Variants in SYN3 observed in about 807,000 individuals in gnomAD.
The protein encoded by SYN3 is synapsin III.
SYN3 carries 35 observed loss-of-function variants against 65.8 expected under a neutral mutation model. The ratio of observed to expected loss-of-function variants is 0.53; its 90% CI spans 0.41 to 0.70. The LOEUF is 0.70. Ranked by LOEUF, SYN3 falls within the 30% of genes least tolerant of loss-of-function variation. SYN3 has a pLI of 0.00. For synonymous variants in SYN3, 270 were observed against 292.9 expected (o/e 0.92, Z 0.80); for missense variants, 680 against 749.0 (o/e 0.91, Z 1.08).
intron 6 of SYN3, among the ~76,000 whole-genome samples, chr22:32,788,377 TA>T (rs1019248233): frequency 2.0e-5 from 3 of 151,866 alleles, no homozygotes; most frequent in African/African-American, 7.3e-5. Flanking sequence ...CCATCTCTAC[TA>T]AAAATACAAA....
chr22:32,889,603 A>G (rs1261313880), intron 4 of SYN3, among the ~76,000 whole-genome samples: 2 of 152,218 alleles, frequency 1.3e-5, no homozygotes, highest in African/African-American at 4.8e-5. Context: ...TTCAGTATGT[A>G]AACAAATCAA....
At chr22:32,521,591 C>T (rs1345277675) in intron 12 of SYN3, among the ~76,000 whole-genome samples, 1 of 151,860 alleles carries the variant, frequency 6.6e-6, no homozygotes, top group Non-Finnish European at 1.5e-5. Flanking sequence ...GGATTACAGG[C>T]GTCCGCCACC....
At chr22:32,974,071 G>A (rs2052105539) in intron 3 of SYN3, among the ~76,000 whole-genome samples, 1 of 152,236 alleles carries the variant, frequency 6.6e-6, no homozygotes, top group Non-Finnish European at 1.5e-5. Flanking sequence ...TTACAGGCAT[G>A]AGCCACTGCA....
rs2048483135 is a variant in SYN3, at chr22:32,859,725, T to C, written c.711+5190A>G. 3 of 288,744 alleles carry C rather than the reference T, an allele frequency of 1.0e-5. No homozygotes were observed. In the South Asian group the frequency reaches 1.3e-4, roughly 12 times the overall value. 17.9% of individuals were successfully genotyped at this position (288,744 alleles called of 1,614,324 possible). Reference sequence around the variant, plus strand: ...AAACTACTCCATTTGAGGATTGTAATTCCCACCCCTCTTGCTTCTTCCCCA... The same window carrying C: ...AAACTACTCCATTTGAGGATTGTAACTCCCACCCCTCTTGCTTCTTCCCCA... On this transcript the variant is annotated intron_variant, in intron 6 of 13. Coordinates refer to ENST00000358763, the MANE Select transcript of SYN3 (RefSeq NM_003490.4).
chr22:32,877,374 C>T lies in SYN3; in HGVS notation c.462-8249G>A, dbSNP rs1045371336. The stretch of plus-strand genomic sequence containing the variant: ...GCAGCTAAGGAACTCACCAAGGTCA[C>T]GCAGCTATTGGTGATGGAACCATGA... On this transcript the variant is annotated intron_variant, in intron 4 of 13. Coordinates refer to ENST00000358763, the MANE Select transcript of SYN3 (RefSeq NM_003490.4). Among the ~76,000 whole-genome samples, 7 of 152,306 alleles carry T rather than the reference C, an allele frequency of 4.6e-5. 1 individual carries two copies. The highest frequency in any genetic ancestry group is 4.8e-5 in the African/African-American group (2 of 41,564).
chr22:32,586,951 C>T (rs1222574179), intron 7 of SYN3, among the ~76,000 whole-genome samples: 2 of 152,006 alleles, frequency 1.3e-5, no homozygotes, highest in Admixed American at 1.3e-4. Flanking sequence ...ACGCCGGGAG[C>T]GGTGGCTCAC....
chr22:33,052,467 G>C (rs1432812770), intron 1 of SYN3, among the ~76,000 whole-genome samples: 1 of 152,074 alleles, frequency 6.6e-6, no homozygotes, highest in Non-Finnish European at 1.5e-5. Context: ...TGCTCTGTTT[G>C]GGAGGAGGAA....
chr22:32,867,689 T>C (rs1488743314), intron 5 of SYN3, among the ~76,000 whole-genome samples: 4 of 152,098 alleles, frequency 2.6e-5, no homozygotes. Context: ...TTCAAGCAAT[T>C]CTCCTGCCTC....
chr22:32,777,514 C>T (rs1484077828), intron 6 of SYN3, among the ~76,000 whole-genome samples: 2 of 152,068 alleles, frequency 1.3e-5, no homozygotes, highest in African/African-American at 4.8e-5. Context: ...GCCCCAGATG[C>T]CAAGTCTATC....
At chr22:32,959,146 T>C (rs1260322217) in intron 3 of SYN3, among the ~76,000 whole-genome samples, 2 of 152,144 alleles carry the variant, frequency 1.3e-5, no homozygotes, top group African/African-American at 2.4e-5. Context: ...ATGGGGTTAG[T>C]TCCCCCATAC....
chr22:32,799,133 T>G (rs1328787966), intron 6 of SYN3, among the ~76,000 whole-genome samples: 4 of 152,174 alleles, frequency 2.6e-5, no homozygotes, highest in Non-Finnish European at 4.4e-5. Flanking sequence ...GGGGTGACCC[T>G]AGCAGGAGGA....
rs540446674 is a variant in SYN3, at chr22:33,022,801, T to C, written c.-162-15977A>G. On this transcript the variant is annotated intron_variant, in intron 1 of 13. Transcript: ENST00000358763. ...ACTGAAATATATTCAAATACAGAAA[T>C]GCCAAAACAAGGTCCCAAAAAATTT... Among the ~76,000 whole-genome samples the C allele has an allele frequency of 5.9e-5, 9 of 152,280 alleles. No homozygotes were observed. In the East Asian group the frequency reaches 1.5e-3, roughly 26 times the overall value.
intron 1 of SYN3, among the ~76,000 whole-genome samples, chr22:33,020,272 T>C (rs565594525): frequency 6.6e-6 from 1 of 152,358 alleles, no homozygotes; most frequent in South Asian, 2.1e-4. Flanking sequence ...GGTTTATTTC[T>C]GGATCCTGTA....
intron 6 of SYN3, among the ~76,000 whole-genome samples, chr22:32,605,007 GA>G (rs543726592): frequency 3.6e-3 from 326 of 91,134 alleles, no homozygotes; most frequent in African/African-American, 0.011. Context: ...CTCCATCTCA[GA>G]AAAAAAAAAA....
chr22:32,744,179 A>G (rs946716237), intron 6 of SYN3, among the ~76,000 whole-genome samples: 2 of 151,722 alleles, frequency 1.3e-5, no homozygotes, highest in African/African-American at 4.8e-5. Context: ...AGAACAAACA[A>G]CTCTATGAAC....
chr22:32,708,762 C>T (rs898024167), intron 6 of SYN3, among the ~76,000 whole-genome samples: 1 of 152,252 alleles, frequency 6.6e-6, no homozygotes, highest in African/African-American at 2.4e-5. Context: ...CTCGACACAG[C>T]CAGAGAGCAC....
intron 10 of SYN3, chr22:32,529,921 C>T (rs1345366348): frequency 6.6e-6 from 1 of 152,442 alleles, no homozygotes; most frequent in Non-Finnish European, 1.5e-5. Context: ...TCCCTCTACC[C>T]ACTCCTTACC....
intron 7 of SYN3, among the ~76,000 whole-genome samples, chr22:32,568,325 TTGTATTTAGTCTACAAA>T (rs2058701188): frequency 6.6e-6 from 1 of 152,250 alleles, no homozygotes; most frequent in Non-Finnish European, 1.5e-5. Context: ...CCACAGGGCT[TTGTATTTAGTCTACAAA>T]TATTTATTGA....
chr22:32,605,753 G>A (rs1174804122), intron 6 of SYN3, among the ~76,000 whole-genome samples: 2 of 152,188 alleles, frequency 1.3e-5, no homozygotes, highest in Non-Finnish European at 2.9e-5. Context: ...TGGAGCACGT[G>A]GGTGGAGGCC....
Sources: allele counts gnomAD v4.1 joint callset (sites outside exome capture counted in the v4.1 genomes callset), GRCh38; gene constraint gnomAD v4.1.1; transcripts MANE v1.5; gene names NCBI Gene and HGNC (gene_info 2026-07-23, HGNC 2026-07-21).